The following CFDP1 variants were observed in gnomAD, a reference collection of about 807,000 sequenced individuals.
CFDP1 encodes chromatin remodeling protein CFDP1.
A neutral mutation model predicts 40.1 loss-of-function variants in CFDP1; 31 were observed. The ratio of observed to expected loss-of-function variants is 0.77; its 90% CI spans 0.58 to 1.04. The LOEUF is 1.04. Ranked by LOEUF, CFDP1 falls within the 50% of genes least tolerant of loss-of-function variation. The probability of loss-of-function intolerance (pLI) is 0.00; values close to 1 mark genes in which losing one functional copy is unlikely to be tolerated. For synonymous variants in CFDP1, 167 were observed against 120.0 expected, an observed-to-expected ratio of 1.39 and a Z score of -2.56; for missense variants, 423 against 343.4, an observed-to-expected ratio of 1.23 and a Z score of -1.83.
chr16:75,395,159 T>C lies in CFDP1; in HGVS notation c.581A>G (p.Lys194Arg), dbSNP rs368315996. ...ATSKEAKSFF[K>R]QNEKEKPQAN... ...CTGTGGTTTTTCTTTCTCATTCTGCTTGAAGAAGGATTTGGCCTCTTTAGA... is the reference window on the plus strand; with the variant it reads ...CTGTGGTTTTTCTTTCTCATTCTGCCTGAAGAAGGATTTGGCCTCTTTAGA... Residue 194 changes from lysine to arginine, a missense_variant, in exon 5 of 7, where the codon AAG becomes AGG. Physicochemically the swap from Lys to Arg is conservative, Grantham distance 26. Transcript: ENST00000283882. 2 of 1,613,902 alleles carry C rather than the reference T, an allele frequency of 1.2e-6. No homozygotes were observed. Among genetic ancestry groups the C allele is most frequent in the Non-Finnish European group, 1.7e-6 (2 of 1,179,894 alleles).
intron 5 of CFDP1, among the ~76,000 whole-genome samples, chr16:75,359,160 A>T (rs991864353): frequency 4.6e-5 from 7 of 152,250 alleles, no homozygotes; most frequent in Non-Finnish European, 5.9e-5. Context: ...ATCTTCGATT[A>T]AGCGAGATAT....
intron 5 of CFDP1, among the ~76,000 whole-genome samples, chr16:75,379,347 A>G (rs1039477460): frequency 1.3e-5 from 2 of 150,998 alleles, no homozygotes; most frequent in African/African-American, 4.9e-5. Context: ...AAAAAAAAAG[A>G]GAGAGAGAGA....
chr16:75,362,984 G>A (rs918671794), intron 5 of CFDP1: 10 of 152,054 alleles, frequency 6.6e-5, no homozygotes, highest in Non-Finnish European at 1.2e-4. Context: ...TGTTGGCTCT[G>A]AAATCCAGAT....
At position 75,412,742 on chromosome 16, in the gene CFDP1, T is replaced by C; in HGVS notation, c.195A>G (p.Gln65=). 6.2e-7 allele frequency: 1 copy of C among 1,612,714 alleles called. No individual in the cohort carries two copies. The highest frequency in any genetic ancestry group is 8.5e-7 in the Non-Finnish European group (1 of 1,179,368). The change falls in exon 3 of 7, where the codon CAA becomes CAG. Residue 65 remains glutamine, a synonymous_variant. Transcript: ENST00000283882. ...AQSIPARKRR[Q]GGLSLEEEEE... is the part of the protein sequence containing the mutation. ...CCTCTTCTTCTAATGAGAGGCCACC[T>C]TGTCTTCTCTTCCTAATCACCAGCA... is the stretch of plus-strand genomic sequence containing the variant.
At chr16:75,390,161 A>T (rs1320489578) in intron 5 of CFDP1, among the ~76,000 whole-genome samples, 2 of 152,176 alleles carry the variant, frequency 1.3e-5, no homozygotes, top group Admixed American at 6.5e-5. Context: ...TTTCACTTGT[A>T]TAGCTCCCAA....
intron 5 of CFDP1, among the ~76,000 whole-genome samples, chr16:75,343,271 A>C (rs893814278): frequency 2.6e-5 from 4 of 152,120 alleles, no homozygotes; most frequent in African/African-American, 7.2e-5. Context: ...AGAGAACAAA[A>C]TGCTGCTGGC....
At chr16:75,426,688 A>T (rs544198692) in intron 1 of CFDP1, among the ~76,000 whole-genome samples, 26 of 152,216 alleles carry the variant, frequency 1.7e-4, no homozygotes, top group Non-Finnish European at 3.2e-4. Flanking sequence ...AAAAACACCA[A>T]AAAAAATTGC....
chr16:75,346,279 C>T (rs1597344899), intron 5 of CFDP1, among the ~76,000 whole-genome samples: 1 of 152,210 alleles, frequency 6.6e-6, no homozygotes, highest in African/African-American at 2.4e-5. Flanking sequence ...GGTAAACTCT[C>T]CAGTGTAAAG....
At chr16:75,428,093 G>T (rs1450151500) in intron 1 of CFDP1, among the ~76,000 whole-genome samples, 1 of 151,908 alleles carries the variant, frequency 6.6e-6, no homozygotes, top group Admixed American at 6.6e-5. Flanking sequence ...GGGGGTGAGG[G>T]AGAGTTGTTT....
chr16:75,353,486 G>C (rs535953825), intron 5 of CFDP1, among the ~76,000 whole-genome samples: 1 of 152,254 alleles, frequency 6.6e-6, no homozygotes, highest in African/African-American at 2.4e-5. Context: ...AATGAGGCTG[G>C]GGGCGGTGGC....
chr16:75,327,541 A>G (rs1032962714), intron 5 of CFDP1, among the ~76,000 whole-genome samples: 7 of 152,204 alleles, frequency 4.6e-5, no homozygotes, highest in African/African-American at 9.7e-5. Flanking sequence ...AAAGTATGGT[A>G]GAAAGAGTAT....
chr16:75,312,028 G>A (rs941221084), intron 5 of CFDP1, among the ~76,000 whole-genome samples: 5 of 152,114 alleles, frequency 3.3e-5, no homozygotes, highest in Non-Finnish European at 5.9e-5. Flanking sequence ...TCTTCGTTGA[G>A]GGCTGTCTGT....
chr16:75,393,737 CAAAAAAAAAAAAAA>C (rs61344775), intron 5 of CFDP1, among the ~76,000 whole-genome samples: 7 of 80,618 alleles, frequency 8.7e-5, no homozygotes, highest in African/African-American at 4.1e-4. Context: ...GACTCCGTCG[CAAAAAAAAAAAAAA>C]AAAAAAAAAA....
chr16:75,398,340 G>A (rs2079015377), intron 4 of CFDP1, among the ~76,000 whole-genome samples: 1 of 152,164 alleles, frequency 6.6e-6, no homozygotes, highest in Non-Finnish European at 1.5e-5. Flanking sequence ...TCCAAAGATG[G>A]TTGCCACAAA....
In CFDP1 at chr16:75,428,339, G is replaced by A. The variant is rs188091847; in HGVS notation, c.64+4950C>T. Among the ~76,000 whole-genome samples the A allele has an allele frequency of 3.7e-3, 567 of 152,202 alleles. 3 individuals carry two copies. The highest frequency in any genetic ancestry group is 6.2e-3 in the Non-Finnish European group (424 of 68,008). On this transcript the variant is annotated intron_variant, in intron 1 of 6. Coordinates refer to ENST00000283882, the MANE Select transcript of CFDP1 (RefSeq NM_006324.3). ...CTATAAAAATATTCAAAGTTGGCTG[G>A]GCTCAGTGGCTCACACCTGTAATCC...
chr16:75,361,663 G>A (rs1412425686), intron 5 of CFDP1, among the ~76,000 whole-genome samples: 2 of 151,762 alleles, frequency 1.3e-5, no homozygotes, highest in East Asian at 3.9e-4. Flanking sequence ...ACTTAGGAAG[G>A]GATAAACATG....
At chr16:75,347,082 AC>A (rs1326298556) in intron 5 of CFDP1, among the ~76,000 whole-genome samples, 1 of 152,070 alleles carries the variant, frequency 6.6e-6, no homozygotes, top group Non-Finnish European at 1.5e-5. Flanking sequence ...CGGGGGGCTC[AC>A]ACCTGTAATC....
chr16:75,432,493 G>A (rs1297776031), intron 1 of CFDP1, among the ~76,000 whole-genome samples: 2 of 151,842 alleles, frequency 1.3e-5, no homozygotes, highest in South Asian at 4.2e-4. Flanking sequence ...TGAGGTTGCA[G>A]TGAGCCAAGA....
At chr16:75,429,235 G>A (rs530297186) in intron 1 of CFDP1, among the ~76,000 whole-genome samples, 1 of 152,296 alleles carries the variant, frequency 6.6e-6, no homozygotes, top group Non-Finnish European at 1.5e-5. Flanking sequence ...AGCAACATGG[G>A]AATCTAGAAA....
Sources: allele counts gnomAD v4.1 joint callset (sites outside exome capture counted in the v4.1 genomes callset), GRCh38; gene constraint gnomAD v4.1.1; transcripts MANE v1.5; gene names NCBI Gene and HGNC (gene_info 2026-07-23, HGNC 2026-07-21).